SMTNL1: variants seen among roughly 807,000 people sequenced by gnomAD.
SMTNL1 encodes the protein smoothelin-like protein 1.
Under a neutral mutation model 46.6 loss-of-function variants are expected in SMTNL1, and 41 were observed. The ratio of observed to expected loss-of-function variants is 0.88; its 90% CI spans 0.69 to 1.14. The LOEUF is 1.14. Ranked by LOEUF, SMTNL1 falls within the 50% of genes most tolerant of loss-of-function variation. The pLI, the probability that SMTNL1 is intolerant of heterozygous loss-of-function variation, is 0.00. For synonymous variants in SMTNL1, 234 were observed against 234.2 expected, an observed-to-expected ratio of 1.00 and a Z score of 0.01; for missense variants, 591 against 626.1, an observed-to-expected ratio of 0.94 and a Z score of 0.60.
chr11:57,550,048 C>T lies in SMTNL1; in HGVS notation c.1421C>T (p.Thr474Ile), dbSNP rs1944946409. 8.1e-6 allele frequency: 13 copies of T among 1,613,850 alleles called. No individual in the cohort carries two copies. Among genetic ancestry groups the T allele is most frequent in the African/African-American group, 1.3e-5 (1 of 74,928 alleles). The change falls in exon 8 of 8, where the codon ACA becomes ATA. Residue 474 changes from threonine (T) to isoleucine (I), a missense_variant. By Grantham distance (89) the Thr-to-Ile change is moderately conservative. Transcript: ENST00000527972. Reference protein sequence around the residue: ...LAVPDSKCVYTYIQELYRSLV... With the variant: ...LAVPDSKCVYIYIQELYRSLV... ...GTGCCCGACTCCAAGTGCGTCTACA[C>T]ATACATCCAGGAACTGTACCGCAGC...
intron 1 of SMTNL1, chr11:57,541,356 G>T: frequency 2.3e-6 from 1 of 433,888 alleles, no homozygotes. Flanking sequence ...CCCTATTTGG[G>T]GATTGTTTTC....
chr11:57,550,223 G>GGGTGT lies in SMTNL1; in HGVS notation c.*113_*117dup. On this transcript the variant is annotated 3_prime_UTR_variant, in exon 8 of 8. Coordinates refer to ENST00000527972, the MANE Select transcript of SMTNL1 (RefSeq NM_001105565.3). ...GCACCAGAGCCAGGGGCTTAGGCAAGGGTGTGTGGCGTTGGTTTTAACTGC... is the reference window on the plus strand; with the variant it reads ...GCACCAGAGCCAGGGGCTTAGGCAAGGGTGTGGTGTGTGGCGTTGGTTTTAACTGC... 1 of 1,193,792 alleles carries GGGTGT rather than the reference G, an allele frequency of 8.4e-7. No homozygotes were observed. The highest frequency in any genetic ancestry group is 1.2e-6 in the Non-Finnish European group (1 of 862,184). The allele number at this position is 1,193,792 out of a possible 1,614,324, so 73.9% of individuals were successfully genotyped here. A position where few individuals can be genotyped will look rare whatever the true frequency, so the allele number is the denominator to read the frequency against.
intron 1 of SMTNL1, among the ~76,000 whole-genome samples, 170 bp from the exon 2 acceptor site, chr11:57,542,471 C>T (rs909015685): frequency 2.6e-5 from 4 of 152,210 alleles, no homozygotes; most frequent in Admixed American, 6.5e-5. Flanking sequence ...CCAACCATCC[C>T]AGCTTTGGGG....
At chr11:57,549,033 T>C (rs1259028167) in intron 7 of SMTNL1, among the ~76,000 whole-genome samples, 1 of 151,090 alleles carries the variant, frequency 6.6e-6, no homozygotes, top group Non-Finnish European at 1.5e-5. Flanking sequence ...TTTTTTCTTT[T>C]TTTTTTTTTT....
chr11:57,541,458 C>T (rs374907374), intron 1 of SMTNL1: 1 of 1,364,518 alleles, frequency 7.3e-7, no homozygotes, highest in African/African-American at 1.5e-5. Flanking sequence ...CCAGTATATA[C>T]AGTACTTAAA....
intron 1 of SMTNL1, among the ~76,000 whole-genome samples, chr11:57,539,513 C>T (rs1355878699): frequency 6.6e-6 from 1 of 152,260 alleles, no homozygotes; most frequent in Non-Finnish European, 1.5e-5. Flanking sequence ...AGGACCTTGC[C>T]CTGGCACAGG....
chr11:57,539,475 C>T (rs113734103), intron 1 of SMTNL1, among the ~76,000 whole-genome samples: 9 of 152,230 alleles, frequency 5.9e-5, no homozygotes, highest in Non-Finnish European at 1.2e-4. Flanking sequence ...TGCCTTGACT[C>T]ACTGATAAAT....
chr11:57,545,819 T>A, intron 4 of SMTNL1, 62 bp from the exon 5 acceptor site: 832 of 664,762 alleles, frequency 1.3e-3, no homozygotes, highest in Non-Finnish European at 1.8e-3. Flanking sequence ...CACAGCCCCC[T>A]CCCTGTGTCC....
intron 7 of SMTNL1, among the ~76,000 whole-genome samples, chr11:57,546,936 C>T (rs1375666128): frequency 6.6e-6 from 1 of 152,030 alleles, no homozygotes; most frequent in Non-Finnish European, 1.5e-5. Context: ...AGTTTAAGAC[C>T]AGCCTGGGCA....
At chr11:57,542,143 C>CACAAAA (rs1554989113) in intron 1 of SMTNL1, among the ~76,000 whole-genome samples, 1 of 148,816 alleles carries the variant, frequency 6.7e-6, no homozygotes, top group African/African-American at 2.5e-5. Context: ...CACACACACA[C>CACAAAA]AAAAATTAGC....
At position 57,545,938 on chromosome 11, in the gene SMTNL1, G is replaced by A. The variant is rs1339153999; in HGVS notation, c.975G>A (p.Glu325=). The change falls in exon 5 of 8, where the codon GAG becomes GAA. Residue 325 remains glutamate, a synonymous_variant. Transcript: ENST00000527972. ...CCCCTGAGTCCCCTTCCTCAGGGGA[G>A]AAGAAGGAGAAGGCACCAGAGCGCA... The part of the protein sequence containing the change: ...QSPPESPSSG[E]KKEKAPERRV... The A allele has an allele frequency of 1.9e-6, 3 of 1,613,696 alleles. No individual in the cohort carries two copies. The highest frequency in any genetic ancestry group is 2.2e-5 in the South Asian group (2 of 91,052).
At chr11:57,542,554 A>C in intron 1 of SMTNL1, 87 bp from the exon 2 acceptor site, 1 of 1,459,562 alleles carries the variant, frequency 6.9e-7, no homozygotes, top group Non-Finnish European at 9.1e-7. Context: ...GGACTTCCTG[A>C]CTCCCAGGCC....
At chr11:57,540,431 G>A (rs534134316) in intron 1 of SMTNL1, among the ~76,000 whole-genome samples, 4 of 152,136 alleles carry the variant, frequency 2.6e-5, no homozygotes, top group Admixed American at 6.6e-5. Flanking sequence ...GTAAAGAGTA[G>A]GCTTTTTTGT....
intron 1 of SMTNL1, among the ~76,000 whole-genome samples, chr11:57,542,161 G>A (rs1359232020): frequency 6.6e-6 from 1 of 151,314 alleles, no homozygotes; most frequent in African/African-American, 2.4e-5. Context: ...AGCCAGGTGT[G>A]GTGGTAAGCA....
At position 57,543,100 on chromosome 11, in the gene SMTNL1, A is replaced by G. The variant is rs572831560; in HGVS notation, c.458A>G (p.Asp153Gly). ...AAACCTGAATCTGGGCAGAAAGCCG[A>G]TGCCAATGACAGAGACAAGCCTGAA... ...EAKPESGQKA[D>G]ANDRDKPEPK... The change falls in exon 2 of 8, where the codon GAT becomes GGT. Residue 153 changes from aspartate to glycine, a missense_variant. Physicochemically the swap from Asp to Gly is moderately conservative, Grantham distance 94. Transcript: ENST00000527972. 4.5e-5 allele frequency: 72 copies of G among 1,612,184 alleles called. 1 individual carries two copies. The South Asian group carries it at 7.7e-4, about 17-fold the overall frequency.
chr11:57,544,837 C>A (rs1052858147), intron 4 of SMTNL1, among the ~76,000 whole-genome samples: 1 of 122,920 alleles, frequency 8.1e-6, no homozygotes, highest in East Asian at 2.1e-4. Flanking sequence ...GTCCTCCCCC[C>A]ATTTTTTTTT....
intron 7 of SMTNL1, among the ~76,000 whole-genome samples, chr11:57,548,471 A>T (rs964873432): frequency 6.6e-6 from 1 of 152,152 alleles, no homozygotes; most frequent in Non-Finnish European, 1.5e-5. Flanking sequence ...GGAGTTCAAG[A>T]TCAGCCTGGC....
At chr11:57,539,071 A>G (rs1944853436) in intron 1 of SMTNL1, among the ~76,000 whole-genome samples, 1 of 152,146 alleles carries the variant, frequency 6.6e-6, no homozygotes. Context: ...TAGAGCGGCC[A>G]GTCTCAGTGG....
At chr11:57,548,799 T>C (rs1224445644) in intron 7 of SMTNL1, among the ~76,000 whole-genome samples, 2 of 152,220 alleles carry the variant, frequency 1.3e-5, no homozygotes, top group Non-Finnish European at 2.9e-5. Context: ...ATGTACCATC[T>C]ACTTTGTGTG....
Sources: gnomAD v4.1 joint callset for allele counts (sites outside exome capture counted in the v4.1 genomes callset) on GRCh38, gnomAD v4.1.1 for gene constraint, MANE v1.5 for transcripts, NCBI Gene and HGNC (gene_info 2026-07-23, HGNC 2026-07-21) for gene names.